CDH13: variants seen among roughly 807,000 people sequenced by gnomAD.
The protein encoded by CDH13 is cadherin 13.
CDH13 carries 24 observed loss-of-function variants against 63.8 expected under a neutral mutation model. That is an observed-to-expected ratio of 0.38 (90% CI 0.27 to 0.53). CDH13 has a LOEUF of 0.53. Among genes scored for constraint, CDH13 ranks in the 20% least tolerant of loss-of-function variants. CDH13 has a pLI of 0.85. For missense variants in CDH13, 1,049 were observed against 903.1 expected (o/e 1.16, Z -2.07); for synonymous variants, 503 against 355.3 (o/e 1.42, Z -4.67).
chr16:83,018,736 G>A (rs974607916), intron 2 of CDH13, among the ~76,000 whole-genome samples: 5 of 152,210 alleles, frequency 3.3e-5, no homozygotes, highest in African/African-American at 9.6e-5. Context: ...ACACACCTAG[G>A]TGATCTCTTA....
chr16:82,929,662 A>AAAT (rs2042418607), intron 2 of CDH13, among the ~76,000 whole-genome samples: 1 of 72,878 alleles, frequency 1.4e-5, no homozygotes, highest in Non-Finnish European at 4.5e-5. Flanking sequence ...AAAAAAAAAA[A>AAAT]AAAAAAAAAA....
chr16:82,807,995 C>A (rs147384034), intron 1 of CDH13, among the ~76,000 whole-genome samples: 1 of 152,124 alleles, frequency 6.6e-6, no homozygotes, highest in Admixed American at 6.6e-5. Context: ...TCCCCAATTA[C>A]AGTATTTCTC....
chr16:83,673,021 A>G (rs905324235), intron 9 of CDH13, among the ~76,000 whole-genome samples: 2 of 152,224 alleles, frequency 1.3e-5, no homozygotes, highest in African/African-American at 4.8e-5. Context: ...TAGTGCTTTT[A>G]TGTACTTCGT....
At chr16:82,915,240 G>A (rs1016081492) in intron 2 of CDH13, among the ~76,000 whole-genome samples, 3 of 152,162 alleles carry the variant, frequency 2.0e-5, no homozygotes, top group African/African-American at 7.2e-5. Context: ...GGCGGTCTTA[G>A]GATATAGATT....
At chr16:83,542,343 C>G (rs1297148985) in intron 7 of CDH13, among the ~76,000 whole-genome samples, 1 of 152,198 alleles carries the variant, frequency 6.6e-6, no homozygotes, top group Non-Finnish European at 1.5e-5. Flanking sequence ...TGCTCCATCT[C>G]AGTAGTTCTC....
At chr16:82,999,136 T>C (rs541443138) in intron 2 of CDH13, among the ~76,000 whole-genome samples, 1 of 152,290 alleles carries the variant, frequency 6.6e-6, no homozygotes, top group East Asian at 1.9e-4. Flanking sequence ...TTATGTTACA[T>C]TCTTTGGACT....
intron 10 of CDH13, among the ~76,000 whole-genome samples, chr16:83,744,516 G>A (rs529963512): frequency 5.3e-5 from 8 of 152,214 alleles, no homozygotes; most frequent in Non-Finnish European, 8.8e-5. Flanking sequence ...CGCCTCATCC[G>A]TTCTCCCCAT....
intron 2 of CDH13, among the ~76,000 whole-genome samples, chr16:82,928,536 C>G (rs182780097): frequency 4.6e-5 from 7 of 152,182 alleles, no homozygotes; most frequent in Admixed American, 2.6e-4. Context: ...ATCTGCCAAT[C>G]CTTTGGGCAA....
chr16:82,927,872 G>A (rs944406317), intron 2 of CDH13, among the ~76,000 whole-genome samples: 5 of 152,296 alleles, frequency 3.3e-5, no homozygotes, highest in African/African-American at 1.2e-4. Context: ...TGAGAGAATT[G>A]GTTGGTACTT....
intron 8 of CDH13, among the ~76,000 whole-genome samples, chr16:83,621,442 T>TA (rs1426648740): frequency 6.7e-6 from 1 of 148,948 alleles, no homozygotes; most frequent in Non-Finnish European, 1.5e-5. Context: ...AACTTCAACT[T>TA]ACTGCTGGCC....
At chr16:83,767,333 G>A (rs1023951067) in intron 11 of CDH13, among the ~76,000 whole-genome samples, 13 of 152,150 alleles carry the variant, frequency 8.5e-5, no homozygotes, top group African/African-American at 2.9e-4. Flanking sequence ...AGTTTTCCCC[G>A]TACTGTTCTT....
intron 5 of CDH13, among the ~76,000 whole-genome samples, chr16:83,256,492 A>G (rs1428449170): frequency 1.3e-5 from 2 of 151,880 alleles, no homozygotes; most frequent in Non-Finnish European, 2.9e-5. Flanking sequence ...AAAAGAAAAA[A>G]TTTCCTAGGC....
At chr16:82,692,799 G>A (rs1379725826) in intron 1 of CDH13, among the ~76,000 whole-genome samples, 2 of 79,898 alleles carry the variant, frequency 2.5e-5, no homozygotes, top group Admixed American at 1.6e-4. Context: ...TAGCTGGGAG[G>A]AGACCTGCAC....
At chr16:82,689,809 A>T (rs1005538243) in intron 1 of CDH13, among the ~76,000 whole-genome samples, 2 of 151,792 alleles carry the variant, frequency 1.3e-5, no homozygotes, top group African/African-American at 4.8e-5. Flanking sequence ...GCTTCTGAAG[A>T]AGATGTAATG....
intron 1 of CDH13, among the ~76,000 whole-genome samples, chr16:82,760,006 T>A (rs756187456): frequency 5.9e-5 from 9 of 152,212 alleles, no homozygotes; most frequent in Non-Finnish European, 1.0e-4. Flanking sequence ...TGATTATAAT[T>A]ATTATTTGCA....
chr16:82,980,237 G>A (rs1164855427), intron 2 of CDH13, among the ~76,000 whole-genome samples: 1 of 152,112 alleles, frequency 6.6e-6, no homozygotes, highest in Non-Finnish European at 1.5e-5. Flanking sequence ...GACCCAGCAG[G>A]GAAGAAGCAA....
At chr16:83,712,725 C>T (rs1908254079) in intron 10 of CDH13, among the ~76,000 whole-genome samples, 1 of 152,180 alleles carries the variant, frequency 6.6e-6, no homozygotes, top group African/African-American at 2.4e-5. Context: ...ACTTGAGTTT[C>T]AGTATTACAG....
chr16:83,156,951 A>G (rs1193395430), intron 4 of CDH13, among the ~76,000 whole-genome samples: 1 of 152,146 alleles, frequency 6.6e-6, no homozygotes, highest in South Asian at 2.1e-4. Flanking sequence ...CAAAGGAGCA[A>G]TTTTCTAAAA....
At chr16:83,546,462 C>G (rs1224248186) in intron 7 of CDH13, among the ~76,000 whole-genome samples, 1 of 148,976 alleles carries the variant, frequency 6.7e-6, no homozygotes, top group South Asian at 2.1e-4. Flanking sequence ...AAGAAAATAG[C>G]TATTGCTTCT....
Sources: allele counts gnomAD v4.1 joint callset (sites outside exome capture counted in the v4.1 genomes callset), GRCh38; gene constraint gnomAD v4.1.1; transcripts MANE v1.5; gene names NCBI Gene and HGNC (gene_info 2026-07-23, HGNC 2026-07-21).